Variants in MARCHF1 observed in about 807,000 individuals in gnomAD.
MARCHF1 encodes the protein membrane associated ring-CH-type finger 1.
In MARCHF1, 40 loss-of-function variants were observed where a neutral mutation model predicts 54.2. The ratio of observed to expected loss-of-function variants is 0.74; its 90% CI spans 0.57 to 0.96. The LOEUF is 0.96. Ranked by LOEUF, MARCHF1 falls within the 40% of genes least tolerant of loss-of-function variation. MARCHF1 has a pLI of 0.00. For missense variants in MARCHF1, 586 were observed against 656.5 expected (o/e 0.89, Z 1.17); for synonymous variants, 236 against 236.3 (o/e 1.00, Z 0.01).
rs1734261671 is a variant in MARCHF1, at chr4:164,290,523, AAAG to A, written c.-323+93344_-323+93346del. ...CTAAATGAGAATCATAAATGGAAAA[AAAG>A]AGAAAAAAATTGTTTCAGAAGAAAT... On this transcript the variant is annotated intron_variant, in intron 1 of 9. Transcript: ENST00000514618. Among the ~76,000 whole-genome samples, 4 of 151,980 alleles carry A rather than the reference AAAG, an allele frequency of 2.6e-5. No individual in the cohort carries two copies. The South Asian group carries it at 8.3e-4, about 31-fold the overall frequency.
chr4:164,348,095 C>T (rs1730163380), intron 1 of MARCHF1, among the ~76,000 whole-genome samples: 1 of 152,058 alleles, frequency 6.6e-6, no homozygotes, highest in Non-Finnish European at 1.5e-5. Context: ...GGCAATCTGA[C>T]ATTTTTGCAA....
At chr4:163,603,846 T>G (rs377061546) in intron 7 of MARCHF1, among the ~76,000 whole-genome samples, 1 of 152,122 alleles carries the variant, frequency 6.6e-6, no homozygotes, top group Non-Finnish European at 1.5e-5. Context: ...TCTGTGGGAA[T>G]TGAATAAAGA....
At chr4:164,234,457 T>C (rs1240978215) in intron 1 of MARCHF1, among the ~76,000 whole-genome samples, 1 of 152,146 alleles carries the variant, frequency 6.6e-6, no homozygotes, top group Non-Finnish European at 1.5e-5. Flanking sequence ...TAAGACCTTG[T>C]TTTATTCAGT....
intron 4 of MARCHF1, among the ~76,000 whole-genome samples, chr4:163,766,527 C>T (rs1746981793): frequency 6.6e-6 from 1 of 152,172 alleles, no homozygotes; most frequent in South Asian, 2.1e-4. Context: ...TGCACAGACT[C>T]TGTTCTACTC....
intron 4 of MARCHF1, among the ~76,000 whole-genome samples, chr4:163,832,435 G>A (rs1316721227): frequency 6.6e-6 from 1 of 152,084 alleles, no homozygotes; most frequent in East Asian, 1.9e-4. Flanking sequence ...AATATAAAAT[G>A]AGCTACTGGG....
At chr4:163,777,844 T>C (rs926881917) in intron 4 of MARCHF1, among the ~76,000 whole-genome samples, 6 of 152,170 alleles carry the variant, frequency 3.9e-5, no homozygotes, top group Non-Finnish European at 2.9e-5. Flanking sequence ...ATGTATACAG[T>C]TGACTAATCA....
At chr4:163,846,786 C>G (rs1749496297) in intron 4 of MARCHF1, among the ~76,000 whole-genome samples, 1 of 151,902 alleles carries the variant, frequency 6.6e-6, no homozygotes, top group Non-Finnish European at 1.5e-5. Context: ...GTTTAATATA[C>G]AAGATATTGT....
chr4:164,120,260 G>C (rs769385745), intron 1 of MARCHF1, among the ~76,000 whole-genome samples: 1 of 151,976 alleles, frequency 6.6e-6, no homozygotes, highest in Non-Finnish European at 1.5e-5. Flanking sequence ...TAATGACAAA[G>C]TGTCCAACTC....
intron 2 of MARCHF1, among the ~76,000 whole-genome samples, chr4:164,092,638 G>A (rs546005798): frequency 1.5e-4 from 23 of 152,036 alleles, no homozygotes; most frequent in South Asian, 8.3e-4. Context: ...CAAAACTTTC[G>A]TCTGCAGTGC....
At chr4:164,317,898 C>A (rs1735040927) in intron 1 of MARCHF1, among the ~76,000 whole-genome samples, 1 of 152,076 alleles carries the variant, frequency 6.6e-6, no homozygotes, top group African/African-American at 2.4e-5. Flanking sequence ...TGAATTAGGT[C>A]AACTGTGTTT....
In MARCHF1 at chr4:164,082,782, G is replaced by T. The variant is rs180720972; in HGVS notation, c.-248+28806C>A. 2.7e-3 allele frequency among the ~76,000 whole-genome samples: 410 copies of T among 152,230 alleles called. 9 individuals carry two copies. The highest frequency in any genetic ancestry group is 1.4e-3 in the Non-Finnish European group (92 of 67,996). On this transcript the variant is annotated intron_variant, in intron 2 of 9. Transcript: ENST00000514618. ...AGTCCTGAAATTAACCATATTTAGT[G>T]CCTTCATCCTAACTTGCAATCCATT... is the stretch of plus-strand genomic sequence containing the variant.
intron 1 of MARCHF1, among the ~76,000 whole-genome samples, chr4:164,124,401 A>C (rs1367679247): frequency 6.6e-6 from 1 of 152,162 alleles, no homozygotes; most frequent in African/African-American, 2.4e-5. Context: ...TTGAGCTGCT[A>C]TAGGATCCAG....
At chr4:164,283,397 G>A (rs1210026880) in intron 1 of MARCHF1, among the ~76,000 whole-genome samples, 6 of 150,722 alleles carry the variant, frequency 4.0e-5, no homozygotes, top group Non-Finnish European at 8.8e-5. Context: ...TGCTGTAGAG[G>A]AATTGCTTAC....
At chr4:163,891,557 C>T (rs1750660991) in intron 3 of MARCHF1, among the ~76,000 whole-genome samples, 1 of 151,536 alleles carries the variant, frequency 6.6e-6, no homozygotes, top group Non-Finnish European at 1.5e-5. Context: ...GAAACAACCA[C>T]CAAAAAAAGC....
At chr4:164,171,593 AT>A (rs140085333) in intron 1 of MARCHF1, among the ~76,000 whole-genome samples, 57,908 of 151,630 alleles carry the variant, frequency 0.38, 12,275 homozygotes, top group Non-Finnish European at 0.49. Context: ...GGAATACATT[AT>A]TTTTTCCAAA....
chr4:164,319,048 A>T (rs1735072089), intron 1 of MARCHF1, among the ~76,000 whole-genome samples: 1 of 152,182 alleles, frequency 6.6e-6, no homozygotes, highest in South Asian at 2.1e-4. Context: ...CCCCAAAGAT[A>T]ATCACAGTTG....
intron 3 of MARCHF1, among the ~76,000 whole-genome samples, chr4:163,928,613 G>A (rs1751589140): frequency 6.6e-6 from 1 of 151,908 alleles, no homozygotes; most frequent in African/African-American, 2.4e-5. Flanking sequence ...TGATTGAAAA[G>A]TCTGGATAGA....
intron 1 of MARCHF1, among the ~76,000 whole-genome samples, chr4:164,229,865 T>C (rs1371537858): frequency 1.3e-5 from 2 of 152,130 alleles, no homozygotes; most frequent in East Asian, 1.9e-4. Context: ...ACCAAGGTGA[T>C]GATGCTAAAC....
At chr4:163,646,498 T>A (rs1181109314) in intron 5 of MARCHF1, among the ~76,000 whole-genome samples, 4 of 151,682 alleles carry the variant, frequency 2.6e-5, no homozygotes, top group Non-Finnish European at 5.9e-5. Context: ...AATACTGGAG[T>A]GGTGGTGTAT....
Sources: gnomAD v4.1 joint callset for allele counts (sites outside exome capture counted in the v4.1 genomes callset) on GRCh38, gnomAD v4.1.1 for gene constraint, MANE v1.5 for transcripts, NCBI Gene and HGNC (gene_info 2026-07-23, HGNC 2026-07-21) for gene names.